Variants in ESCO2 observed in about 807,000 individuals in gnomAD.
ESCO2 encodes establishment of sister chromatid cohesion N-acetyltransferase 2, also known as N-acetyltransferase ESCO2.
Under a neutral mutation model 61.7 loss-of-function variants are expected in ESCO2, and 51 were observed. That is an observed-to-expected ratio of 0.83 (90% confidence interval 0.66 to 1.04). The LOEUF (loss-of-function observed/expected upper bound fraction) is 1.04. Among genes scored for constraint, ESCO2 ranks in the 50% least tolerant of loss-of-function variants. ESCO2 has a pLI of 0.00. For synonymous variants in ESCO2, 230 were observed against 238.2 expected (o/e 0.97, Z 0.32); for missense variants, 692 against 686.2 (o/e 1.01, Z -0.09).
At chr8:27,810,260 A>C (rs1282338119), downstream of ESCO2, 1 of 1,297,724 alleles carries the variant, frequency 7.7e-7, no homozygotes, top group South Asian at 1.2e-5. Flanking sequence ...AATATTTTGG[A>C]ATAAACAGTT....
chr8:27,793,643 T>A (rs1805230607), intron 9 of ESCO2, among the ~76,000 whole-genome samples: 1 of 151,890 alleles, frequency 6.6e-6, no homozygotes, highest in African/African-American at 2.4e-5. Context: ...CGTGCCACCA[T>A]GCCTGGCTAA....
chr8:27,810,268 GTTAT>G, downstream of ESCO2: 1 of 1,389,734 alleles, frequency 7.2e-7, no homozygotes, highest in Non-Finnish European at 1.0e-6. Flanking sequence ...GGAATAAACA[GTTAT>G]TTACGCAAGC....
chr8:27,804,261 C>T lies in ESCO2; in HGVS notation c.*823C>T, dbSNP rs567873959. 1.0e-6 allele frequency: 1 copy of T among 984,758 alleles called. No individual in the cohort carries two copies. Among genetic ancestry groups the T allele is most frequent in the African/African-American group, 1.7e-5 (1 of 57,308 alleles). The allele number at this position is 984,758 out of a possible 1,614,324, so 61.0% of individuals were successfully genotyped here. A position where few individuals can be genotyped will look rare whatever the true frequency, so the allele number is the denominator to read the frequency against. On this transcript the variant is annotated 3_prime_UTR_variant, in exon 11 of 11. Transcript: ENST00000305188. ...ATTAAAATTATACTTAGTAATTGCA[C>T]TATTACTTAGTTAATTTTTGTTGTA...
intron 6 of ESCO2, among the ~76,000 whole-genome samples, chr8:27,788,356 G>T (rs1026982997): frequency 6.6e-6 from 1 of 152,014 alleles, no homozygotes; most frequent in African/African-American, 2.4e-5. Flanking sequence ...TCATTAAAAA[G>T]TTCCGTTGTT....
Position 27,803,744 on chromosome 8 carries a change from G to A in ESCO2, c.*306G>A. On this transcript the variant is annotated 3_prime_UTR_variant, in exon 11 of 11. Coordinates refer to ENST00000305188, the MANE Select transcript of ESCO2 (RefSeq NM_001017420.3). Reference sequence around the variant, plus strand: ...TGGAAAATTACCTGACTCTTTGTAAGAGTATTAAATACAAAGTGATTTTTC... The same window carrying A: ...TGGAAAATTACCTGACTCTTTGTAAAAGTATTAAATACAAAGTGATTTTTC... 8.8e-7 allele frequency: 1 copy of A among 1,133,642 alleles called. No individual in the cohort carries two copies. Among genetic ancestry groups the A allele is most frequent in the South Asian group, 2.5e-5 (1 of 40,138 alleles). 70.2% of individuals were successfully genotyped at this position (1,133,642 alleles called of 1,614,324 possible).
downstream of ESCO2, chr8:27,808,112 T>G: frequency 2.2e-6 from 1 of 464,432 alleles, no homozygotes; most frequent in Non-Finnish European, 3.1e-6. Context: ...AGCTGATATA[T>G]ATAGCATTTT....
downstream of ESCO2, among the ~76,000 whole-genome samples, chr8:27,811,688 C>T (rs1458808435): frequency 1.3e-5 from 2 of 152,092 alleles, no homozygotes; most frequent in Admixed American, 1.3e-4. Flanking sequence ...AAAAAGCCAG[C>T]TAAAATTCTC....
chr8:27,798,593 G>A (rs1048274290), intron 9 of ESCO2, among the ~76,000 whole-genome samples: 2 of 152,174 alleles, frequency 1.3e-5, no homozygotes, highest in Admixed American at 1.3e-4. Flanking sequence ...AGCTTTATTA[G>A]TAATAGCCAA....
At chr8:27,781,655 G>A (rs1267978592) in intron 4 of ESCO2, among the ~76,000 whole-genome samples, 1 of 151,664 alleles carries the variant, frequency 6.6e-6, no homozygotes, top group African/African-American at 2.4e-5. Context: ...CCACCTCCAG[G>A]GTTCAAGCAT....
chr8:27,774,976 CATTA>C (rs942752748), intron 1 of ESCO2: 3 of 158,512 alleles, frequency 1.9e-5, no homozygotes, highest in African/African-American at 4.8e-5. Context: ...TTTGTTCATT[CATTA>C]ATAGCTTTGA....
At position 27,781,181 on chromosome 8, in the gene ESCO2, T is replaced by C. The variant is rs1183604459; in HGVS notation, c.955+914T>C. Among the ~76,000 whole-genome samples, 10 of 152,222 alleles carry C rather than the reference T, an allele frequency of 6.6e-5. No individual in the cohort carries two copies. The East Asian group carries it at 1.9e-3, about 29-fold the overall frequency. The stretch of plus-strand genomic sequence containing the variant: ...ATTACTTAATAACTACAGTTTATCA[T>C]TTAATTCTCCCTACTACTCTAGGTC... On this transcript the variant is annotated intron_variant, in intron 4 of 10. Transcript: ENST00000305188.
intron 10 of ESCO2, among the ~76,000 whole-genome samples, chr8:27,802,298 A>C (rs952693887): frequency 6.6e-6 from 1 of 151,770 alleles, no homozygotes; most frequent in African/African-American, 2.4e-5. Flanking sequence ...GGATGTTTAC[A>C]TTGAAAAAAT....
intron 6 of ESCO2, 67 bp downstream of exon 6, chr8:27,788,069 T>C (rs1184276185): frequency 3.6e-6 from 4 of 1,106,604 alleles, no homozygotes; most frequent in Non-Finnish European, 5.5e-6. Context: ...AACCCCTGTA[T>C]TAGACAGTTC....
chr8:27,814,084 C>T (rs745908408), downstream of ESCO2, among the ~76,000 whole-genome samples: 1 of 152,110 alleles, frequency 6.6e-6, no homozygotes, highest in Non-Finnish European at 1.5e-5. Context: ...ACAGACTGGG[C>T]AGAGGTCCTT....
chr8:27,802,328 G>A (rs1391345565), intron 10 of ESCO2, among the ~76,000 whole-genome samples: 3 of 150,994 alleles, frequency 2.0e-5, no homozygotes, highest in Non-Finnish European at 4.4e-5. Flanking sequence ...CTGGACGGTC[G>A]CTCTTGCCTG....
At chr8:27,799,327 T>C (rs1805372390) in intron 9 of ESCO2, among the ~76,000 whole-genome samples, 1 of 152,188 alleles carries the variant, frequency 6.6e-6, no homozygotes, top group African/African-American at 2.4e-5. Context: ...CGTAATGCTA[T>C]GGGACACACT....
chr8:27,786,854 A>T (rs1585399010), intron 5 of ESCO2, among the ~76,000 whole-genome samples: 3 of 70,646 alleles, frequency 4.2e-5, no homozygotes, highest in African/African-American at 5.7e-5. Context: ...TACTTTTGGT[A>T]CTAGGGTTTT....
intron 9 of ESCO2, among the ~76,000 whole-genome samples, chr8:27,796,519 C>CT (rs1005055150): frequency 6.6e-6 from 1 of 151,986 alleles, no homozygotes; most frequent in East Asian, 1.9e-4. Context: ...GATCTTTCTT[C>CT]TTTTTTTATG....
At chr8:27,802,412 A>G (rs1386581447) in intron 10 of ESCO2, among the ~76,000 whole-genome samples, 6 of 150,596 alleles carry the variant, frequency 4.0e-5, no homozygotes, top group Non-Finnish European at 8.9e-5. Context: ...CCTGGCCAAC[A>G]TGGAGAAACC....
Sources: gnomAD v4.1 joint callset for allele counts (sites outside exome capture counted in the v4.1 genomes callset) on GRCh38, gnomAD v4.1.1 for gene constraint, MANE v1.5 for transcripts, NCBI Gene and HGNC (gene_info 2026-07-23, HGNC 2026-07-21) for gene names.